IL6R: variants seen among roughly 807,000 people sequenced by gnomAD.
The protein encoded by IL6R is interleukin 6 receptor.
Under a neutral mutation model 48.3 loss-of-function variants are expected in IL6R, and 38 were observed. The observed-to-expected ratio is 0.79, with a 90% CI of 0.61 to 1.03. The LOEUF is 1.03. IL6R is among the 50% of genes least tolerant of loss of function. IL6R has a pLI of 0.00. For synonymous variants in IL6R, 264 were observed against 256.2 expected, an observed-to-expected ratio of 1.03 and a Z score of -0.29; for missense variants, 534 against 618.3, an observed-to-expected ratio of 0.86 and a Z score of 1.45.
chr1:154,462,503 A>G (rs1360398582), intron 9 of IL6R, among the ~76,000 whole-genome samples: 1 of 151,618 alleles, frequency 6.6e-6, no homozygotes, highest in Admixed American at 6.6e-5. Context: ...TCTCCTGAGT[A>G]GCTGGGATTA....
At chr1:154,447,780 TCTCGG>T (rs1171683760) in intron 6 of IL6R, among the ~76,000 whole-genome samples, 1 of 151,928 alleles carries the variant, frequency 6.6e-6, no homozygotes, top group Non-Finnish European at 1.5e-5. Flanking sequence ...AATGGCATGA[TCTCGG>T]CTCACTGCAA....
intron 8 of IL6R, among the ~76,000 whole-genome samples, chr1:154,453,599 GT>G (rs1239795395): frequency 6.6e-6 from 1 of 152,222 alleles, no homozygotes; most frequent in Non-Finnish European, 1.5e-5. Flanking sequence ...TGCAAAGCTG[GT>G]TTGTTCTTTC....
At chr1:154,453,038 C>T (rs1240550999) in intron 8 of IL6R, among the ~76,000 whole-genome samples, 1 of 151,694 alleles carries the variant, frequency 6.6e-6, no homozygotes, top group Non-Finnish European at 1.5e-5. Flanking sequence ...AACCTCATCT[C>T]TACAAAAAAT....
At chr1:154,429,499 T>C in intron 2 of IL6R, 55 bp downstream of exon 2, 1 of 1,560,624 alleles carries the variant, frequency 6.4e-7, no homozygotes, top group South Asian at 1.2e-5. Context: ...TGAGGCTTTG[T>C]GCATTCCAGA....
At chr1:154,458,365 G>A (rs1691043129) in intron 9 of IL6R, among the ~76,000 whole-genome samples, 1 of 152,190 alleles carries the variant, frequency 6.6e-6, no homozygotes, top group South Asian at 2.1e-4. Context: ...CTTGGAGGAT[G>A]CAAAGCCTGT....
At chr1:154,411,231 G>T (rs1270438005) in intron 1 of IL6R, among the ~76,000 whole-genome samples, 1 of 152,104 alleles carries the variant, frequency 6.6e-6, no homozygotes, top group Non-Finnish European at 1.5e-5. Flanking sequence ...GCTAATTTTT[G>T]TATTTTTAGT....
chr1:154,459,488 A>G (rs972986959), intron 9 of IL6R, among the ~76,000 whole-genome samples: 1 of 152,218 alleles, frequency 6.6e-6, no homozygotes, highest in African/African-American at 2.4e-5. Context: ...GGCTGCCAAA[A>G]TGGCTGAACC....
intron 9 of IL6R, among the ~76,000 whole-genome samples, chr1:154,455,088 A>G (rs978187268): frequency 6.6e-6 from 1 of 151,972 alleles, no homozygotes; most frequent in Non-Finnish European, 1.5e-5. Context: ...TAATTTTTCT[A>G]TTTTTTGTTG....
Position 154,434,351 on chromosome 1 carries a change from G to C in IL6R, c.459-168G>C, listed in dbSNP as rs146778601. 2.9e-4 allele frequency among the ~76,000 whole-genome samples: 44 copies of C among 152,210 alleles called. No homozygotes were observed. In the East Asian group the frequency reaches 8.3e-3, roughly 29 times the overall value. On this transcript the variant is annotated intron_variant, in intron 3 of 9. Coordinates refer to ENST00000368485, the MANE Select transcript of IL6R (RefSeq NM_000565.4). Reference sequence around the variant, plus strand: ...CAAAAACTTAACCCCTACTAGGTAAGTAGTATTAATATTCCTATTTTCAAA... The same window carrying C: ...CAAAAACTTAACCCCTACTAGGTAACTAGTATTAATATTCCTATTTTCAAA...
intron 8 of IL6R, among the ~76,000 whole-genome samples, chr1:154,451,662 G>A (rs11265617): frequency 2.6e-5 from 4 of 151,804 alleles, no homozygotes; most frequent in South Asian, 2.1e-4. Context: ...TCAGCCTCCC[G>A]AGTAGCTGAG....
intron 1 of IL6R, among the ~76,000 whole-genome samples, chr1:154,412,821 A>G (rs1245932744): frequency 1.3e-5 from 2 of 152,142 alleles, no homozygotes; most frequent in Non-Finnish European, 2.9e-5. Flanking sequence ...TTGAGAAACA[A>G]GCCCAAAGTC....
intron 2 of IL6R, among the ~76,000 whole-genome samples, chr1:154,429,693 G>A (rs1461924321): frequency 6.6e-6 from 1 of 152,254 alleles, no homozygotes; most frequent in East Asian, 1.9e-4. Flanking sequence ...TGAATAGCCT[G>A]GGGCCCGGAG....
intron 6 of IL6R, among the ~76,000 whole-genome samples, chr1:154,444,397 G>A (rs947542209): frequency 5.9e-5 from 9 of 151,984 alleles, no homozygotes; most frequent in East Asian, 1.9e-4. Flanking sequence ...TAGTAGAGAC[G>A]GGGTTTCTCC....
chr1:154,460,647 C>A (rs1691200043), intron 9 of IL6R, among the ~76,000 whole-genome samples: 1 of 152,092 alleles, frequency 6.6e-6, no homozygotes, highest in Non-Finnish European at 1.5e-5. Flanking sequence ...AGAAAAGTTC[C>A]CACATCATGT....
intron 6 of IL6R, 129 bp from the exon 7 acceptor site, chr1:154,447,996 A>T: frequency 1.4e-6 from 1 of 739,532 alleles, no homozygotes; most frequent in Non-Finnish European, 2.4e-6. Context: ...GACGTGAGCC[A>T]CCGCGCCCAG....
At chr1:154,445,073 G>A (rs1211138700) in intron 6 of IL6R, 5 of 456,198 alleles carry the variant, frequency 1.1e-5, no homozygotes, top group Non-Finnish European at 2.2e-5. Context: ...CATCCCGGGT[G>A]GCATTTGGGA....
chr1:154,428,664 C>T (rs961275019), intron 1 of IL6R, among the ~76,000 whole-genome samples: 3 of 152,094 alleles, frequency 2.0e-5, no homozygotes, highest in Non-Finnish European at 2.9e-5. Flanking sequence ...AAGAGAGACA[C>T]GGAATTCGTA....
At position 154,430,592 on chromosome 1, in the gene IL6R, C is replaced by G. The variant is rs1352622176; in HGVS notation, c.444C>G (p.Leu148=). The change falls in exon 3 of 10, where the codon CTC becomes CTG. Residue 148 remains leucine (L), a synonymous_variant. Transcript: ENST00000368485. ...CATCCCTGACGACAAAGGCTGTGCT[C>G]TTGGTGAGGAAGTTGTAAGTATCTT... The part of the protein sequence containing the change: ...STPSLTTKAV[L]LVRKFQNSPA... 6.8e-6 allele frequency: 11 copies of G among 1,614,210 alleles called. No homozygotes were observed. The highest frequency in any genetic ancestry group is 9.3e-6 in the Non-Finnish European group (11 of 1,180,034).
chr1:154,429,589 C>A (rs1689179329), intron 2 of IL6R, 145 bp downstream of exon 2: 2 of 962,544 alleles, frequency 2.1e-6, no homozygotes, highest in Non-Finnish European at 3.0e-6. Flanking sequence ...TGTCTGCCAT[C>A]CAGATGCTGG....
Sources: allele counts gnomAD v4.1 joint callset (sites outside exome capture counted in the v4.1 genomes callset), GRCh38; gene constraint gnomAD v4.1.1; transcripts MANE v1.5; gene names NCBI Gene and HGNC (gene_info 2026-07-23, HGNC 2026-07-21).